TMPRSS15: variants seen among roughly 807,000 people sequenced by gnomAD.
TMPRSS15 encodes enteropeptidase.
TMPRSS15 carries 128 observed loss-of-function variants against 125.3 expected under a neutral mutation model. That is an observed-to-expected ratio of 1.02 (90% CI 0.89 to 1.18). TMPRSS15 has a LOEUF of 1.18. Ranked by LOEUF, TMPRSS15 falls within the 50% of genes most tolerant of loss-of-function variation. The probability of loss-of-function intolerance (pLI) is 0.00; values close to 1 mark genes in which losing one functional copy is unlikely to be tolerated. For synonymous variants in TMPRSS15, 446 were observed against 423.2 expected, an observed-to-expected ratio of 1.05 and a Z score of -0.66; for missense variants, 1,283 against 1,212.7, an observed-to-expected ratio of 1.06 and a Z score of -0.86.
At chr21:18,396,792 A>AAATCTGTCTGTCTGTCTGTCTGTCTG (rs1408156983) in intron 3 of TMPRSS15, among the ~76,000 whole-genome samples, 1 of 112,792 alleles carries the variant, frequency 8.9e-6, no homozygotes, top group Non-Finnish European at 1.8e-5. Flanking sequence ...AAAAAAAAAA[A>AAATCTGTCTGTCTGTCTGTCTGTCTG]TCTGTCTGTC....
At position 18,413,307 on chromosome 21, in the gene TMPRSS15, T is replaced by C. The variant is rs1206737607; in HGVS notation, c.11-14978A>G. ...TTCTTTCTTTCTTTTCTTTCTTTTC[T>C]TTCTTTTCCTTCCTTCCTTCCTTCC... is the stretch of plus-strand genomic sequence containing the variant. On this transcript the variant is annotated intron_variant, in intron 1 of 7. Coordinates refer to the TMPRSS15 transcript ENST00000422787. Among the ~76,000 whole-genome samples, 336 of 80,228 alleles carry C rather than the reference T, an allele frequency of 4.2e-3. 3 individuals are homozygous for C. The highest frequency in any genetic ancestry group is 0.017 in the African/African-American group (322 of 18,474). 52.6% of individuals were successfully genotyped at this position (80,228 alleles called of 152,430 possible). A position where few individuals can be genotyped will look rare whatever the true frequency, so the allele number is the denominator to read the frequency against.
intron 12 of TMPRSS15, 49 bp from the exon 13 acceptor site, chr21:18,341,597 C>T (rs1291255247): frequency 6.2e-7 from 1 of 1,601,346 alleles, no homozygotes; most frequent in Non-Finnish European, 8.6e-7. Context: ...TTCTAATCTT[C>T]TCTGACTTGA....
At chr21:18,392,306 T>C (rs2075997665) in intron 3 of TMPRSS15, among the ~76,000 whole-genome samples, 1 of 152,198 alleles carries the variant, frequency 6.6e-6, no homozygotes, top group Non-Finnish European at 1.5e-5. Flanking sequence ...AATTTTGCTG[T>C]TTAGAAATTT....
chr21:18,463,862 C>A (rs775301081), intron 1 of TMPRSS15, among the ~76,000 whole-genome samples: 1 of 151,846 alleles, frequency 6.6e-6, no homozygotes, highest in Non-Finnish European at 1.5e-5. Context: ...GCATAAATAA[C>A]GAAAATAAGG....
At chr21:18,472,480 T>TATATATAC (rs1491127013) in intron 1 of TMPRSS15, among the ~76,000 whole-genome samples, 103 of 112,348 alleles carry the variant, frequency 9.2e-4, no homozygotes, top group African/African-American at 3.0e-3. Flanking sequence ...TATATATATA[T>TATATATAC]ACACACACAC....
intron 1 of TMPRSS15, among the ~76,000 whole-genome samples, chr21:18,430,703 T>C (rs781282396): frequency 3.3e-5 from 5 of 152,178 alleles, no homozygotes; most frequent in Non-Finnish European, 7.3e-5. Context: ...GATCAAGGTT[T>C]TCCAATCATT....
At chr21:18,422,887 G>T (rs954075617) in intron 1 of TMPRSS15, among the ~76,000 whole-genome samples, 2 of 152,170 alleles carry the variant, frequency 1.3e-5, no homozygotes, top group Admixed American at 6.5e-5. Flanking sequence ...TAGCAGTCAG[G>T]AAATTAGGAA....
intron 1 of TMPRSS15, among the ~76,000 whole-genome samples, chr21:18,425,659 T>C (rs112420668): frequency 1.4e-5 from 2 of 144,022 alleles, no homozygotes; most frequent in African/African-American, 5.1e-5. Context: ...AATAATTTAA[T>C]TACCTGTGTA....
chr21:18,473,089 T>C (rs1462360064), intron 1 of TMPRSS15, among the ~76,000 whole-genome samples: 2 of 152,018 alleles, frequency 1.3e-5, no homozygotes, highest in African/African-American at 2.4e-5. Context: ...AGGTAATAAA[T>C]AAGTTAAATG....
Position 18,451,069 on chromosome 21 carries a change from C to CT in TMPRSS15, c.10+34729dup, listed in dbSNP as rs34100738. ...CTATCAAATTTATGCAAAAGATTCT[C>CT]TTTTTTTTTTAAAATACACTGAATC... On this transcript the variant is annotated intron_variant, in intron 1 of 7. Coordinates refer to the TMPRSS15 transcript ENST00000422787. 2.0e-3 allele frequency among the ~76,000 whole-genome samples: 299 copies of CT among 149,712 alleles called. 4 individuals are homozygous for CT. In the East Asian group the frequency reaches 0.029, roughly 14 times the overall value.
intron 1 of TMPRSS15, among the ~76,000 whole-genome samples, chr21:18,414,767 CTT>C (rs1287333857): frequency 2.6e-5 from 4 of 152,126 alleles, no homozygotes; most frequent in African/African-American, 9.7e-5. Context: ...TCAAAGGACA[CTT>C]AAGTTGTTTC....
In TMPRSS15 at chr21:18,273,384, C is replaced by CAT. The variant is rs535289387; in HGVS notation, c.2904+1811_2904+1812dup. 4.1e-3 allele frequency among the ~76,000 whole-genome samples: 630 copies of CAT among 152,260 alleles called. 5 individuals carry two copies. Among genetic ancestry groups the CAT allele is most frequent in the African/African-American group, 0.014 (594 of 41,552 alleles). ...TTAATCAGTTAATCCTGTTATAAAA[C>CAT]ATAGTATTAAAGTTGAACAAAGAAA... On this transcript the variant is annotated intron_variant, in intron 24 of 24. Coordinates refer to ENST00000284885, the MANE Select transcript of TMPRSS15 (RefSeq NM_002772.3).
chr21:18,385,837 G>A (rs937161040), intron 3 of TMPRSS15, among the ~76,000 whole-genome samples: 10 of 152,070 alleles, frequency 6.6e-5, no homozygotes, highest in South Asian at 2.1e-4. Flanking sequence ...TTCGCCTCCC[G>A]GGTTCAAGCA....
rs1156997470 is a variant in TMPRSS15 at position 18,313,084 on chromosome 21, A to T, written c.2033-7T>A. ...GTGCCATTGAAAAAACGCACTAAAG[A>T]CACAGAGAGCATAATGGTAGTTACC... On this transcript the variant is annotated splice_polypyrimidine_tract_variant and splice_region_variant and intron_variant, in intron 17 of 24. Coordinates refer to ENST00000284885, the MANE Select transcript of TMPRSS15 (RefSeq NM_002772.3). 6 of 1,606,030 alleles carry T rather than the reference A, an allele frequency of 3.7e-6. No individual in the cohort carries two copies. Among genetic ancestry groups the T allele is most frequent in the Non-Finnish European group, 5.1e-6 (6 of 1,172,822 alleles).
At chr21:18,408,335 C>T (rs1269283769), upstream of TMPRSS15, among the ~76,000 whole-genome samples, 1 of 152,116 alleles carries the variant, frequency 6.6e-6, no homozygotes, top group African/African-American at 2.4e-5. Flanking sequence ...CAGCTTTCAC[C>T]TTTAAATAAT....
intron 1 of TMPRSS15, among the ~76,000 whole-genome samples, chr21:18,442,833 G>T (rs2076245482): frequency 6.6e-6 from 1 of 152,094 alleles, no homozygotes. Context: ...AATCAGTTTT[G>T]AAATGAAGTA....
chr21:18,454,609 T>C (rs977243894), intron 1 of TMPRSS15, among the ~76,000 whole-genome samples: 14 of 151,550 alleles, frequency 9.2e-5, no homozygotes, highest in Non-Finnish European at 1.5e-4. Flanking sequence ...AAGCCAAGAG[T>C]CTGAGAGGGG....
intron 1 of TMPRSS15, among the ~76,000 whole-genome samples, chr21:18,402,544 A>AAAG (rs1555910411): frequency 4.0e-5 from 6 of 151,486 alleles, no homozygotes; most frequent in Non-Finnish European, 7.4e-5. Context: ...AAAAAAAAAA[A>AAAG]AGAGAGAATT....
At chr21:18,447,454 A>AT (rs2076258138) in intron 1 of TMPRSS15, among the ~76,000 whole-genome samples, 1 of 151,536 alleles carries the variant, frequency 6.6e-6, no homozygotes, top group South Asian at 2.1e-4. Flanking sequence ...AAAAAAAAAA[A>AT]AAAAGACATA....
Sources: gnomAD v4.1 joint callset for allele counts (sites outside exome capture counted in the v4.1 genomes callset) on GRCh38, gnomAD v4.1.1 for gene constraint, MANE v1.5 for transcripts, NCBI Gene and HGNC (gene_info 2026-07-23, HGNC 2026-07-21) for gene names.